Variants in RSRC1 observed in about 807,000 individuals in gnomAD.
RSRC1 encodes the protein arginine and serine rich coiled-coil 1.
RSRC1 carries 39 observed loss-of-function variants against 49.1 expected under a neutral mutation model. That is an observed-to-expected ratio of 0.79 (90% CI 0.61 to 1.04). RSRC1 has a LOEUF of 1.04. RSRC1 is among the 50% of genes least tolerant of loss of function. The probability of loss-of-function intolerance (pLI) is 0.00; values close to 1 mark genes in which losing one functional copy is unlikely to be tolerated. For missense variants in RSRC1, 388 were observed against 402.4 expected, an observed-to-expected ratio of 0.96 and a Z score of 0.31; for synonymous variants, 143 against 130.8, an observed-to-expected ratio of 1.09 and a Z score of -0.63.
intron 4 of RSRC1, among the ~76,000 whole-genome samples, chr3:158,296,125 A>T (rs570210739): frequency 1.3e-5 from 2 of 152,166 alleles, no homozygotes; most frequent in South Asian, 4.1e-4. Context: ...TTTGAATCTG[A>T]TCATTTTCGT....
intron 7 of RSRC1, among the ~76,000 whole-genome samples, chr3:158,501,942 T>G (rs1428617094): frequency 6.6e-6 from 1 of 152,204 alleles, no homozygotes; most frequent in East Asian, 1.9e-4. Context: ...GCTTTTTAAC[T>G]TGTATTTTTG....
intron 7 of RSRC1, among the ~76,000 whole-genome samples, chr3:158,487,777 C>G (rs1032529110): frequency 6.6e-6 from 1 of 151,254 alleles, no homozygotes; most frequent in African/African-American, 2.4e-5. Context: ...TGGTGAAACC[C>G]CATCTCTACT....
At chr3:158,339,963 G>A (rs1024652042) in intron 5 of RSRC1, among the ~76,000 whole-genome samples, 3 of 152,218 alleles carry the variant, frequency 2.0e-5, no homozygotes, top group Admixed American at 1.3e-4. Context: ...TGTTACTTGA[G>A]CTGAGCTTTG....
At chr3:158,537,036 T>G (rs534043611) in intron 7 of RSRC1, 56 bp from the exon 8 acceptor site, 4 of 998,268 alleles carry the variant, frequency 4.0e-6, no homozygotes, top group Non-Finnish European at 3.2e-6. Context: ...TGCTTAGGTG[T>G]AGTGTTATTA....
chr3:158,346,340 A>G (rs1376275330), intron 5 of RSRC1, among the ~76,000 whole-genome samples: 1 of 152,130 alleles, frequency 6.6e-6, no homozygotes, highest in Non-Finnish European at 1.5e-5. Flanking sequence ...AGAAGAAGAA[A>G]TTGATGGATG....
chr3:158,533,912 A>T (rs555941232), intron 7 of RSRC1, among the ~76,000 whole-genome samples: 82 of 151,728 alleles, frequency 5.4e-4, no homozygotes, highest in Non-Finnish European at 1.0e-3. Context: ...TAGCTGGGCA[A>T]AGAATCTTCT....
intron 5 of RSRC1, among the ~76,000 whole-genome samples, chr3:158,333,494 T>G (rs78603332): frequency 0.018 from 2,676 of 152,318 alleles, 65 homozygotes; most frequent in African/African-American, 0.061. Flanking sequence ...AAAGTATGTG[T>G]TTGATCTTTT....
rs536611483 is a variant in RSRC1, at chr3:158,483,734, TATTA to T, written c.652+22735_652+22738del. Among the ~76,000 whole-genome samples, 814 of 152,246 alleles carry T rather than the reference TATTA, an allele frequency of 5.3e-3. 5 individuals are homozygous for T. The highest frequency in any genetic ancestry group is 6.4e-3 in the Non-Finnish European group (433 of 67,962). On this transcript the variant is annotated intron_variant, in intron 7 of 9. Coordinates refer to ENST00000611884, the MANE Select transcript of RSRC1 (RefSeq NM_001271838.2). ...TTTGTTCATTTAAAAAGTAAGTTTA[TATTA>T]ATTTTATTCTCAAGAATATATTATT...
intron 7 of RSRC1, among the ~76,000 whole-genome samples, chr3:158,480,769 A>ATT (rs1041122595): frequency 2.0e-5 from 3 of 152,024 alleles, no homozygotes; most frequent in African/African-American, 7.2e-5. Flanking sequence ...CTTAGGTTAT[A>ATT]TTTATATTTG....
At chr3:158,448,120 G>A (rs1392066839) in intron 6 of RSRC1, among the ~76,000 whole-genome samples, 1 of 151,718 alleles carries the variant, frequency 6.6e-6, no homozygotes, top group Non-Finnish European at 1.5e-5. Flanking sequence ...TTATCATAGT[G>A]GCCAAACCGA....
At chr3:158,334,772 G>GC (rs1337716004) in intron 5 of RSRC1, among the ~76,000 whole-genome samples, 1 of 151,652 alleles carries the variant, frequency 6.6e-6, no homozygotes, top group Admixed American at 6.6e-5. Context: ...GCCCACCTCA[G>GC]CCCCCACAAA....
chr3:158,353,995 CTTTTTTTTT>C (rs1230649090), intron 5 of RSRC1, among the ~76,000 whole-genome samples: 1 of 96,302 alleles, frequency 1.0e-5, no homozygotes, highest in Admixed American at 1.4e-4. Context: ...GTTTCTTTTT[CTTTTTTTTT>C]TTTTTTTTTT....
At chr3:158,390,375 C>A (rs1252464000) in intron 6 of RSRC1, among the ~76,000 whole-genome samples, 1 of 152,080 alleles carries the variant, frequency 6.6e-6, no homozygotes. Context: ...AGAAGTTGGA[C>A]AATCAAGAAA....
At chr3:158,524,458 A>G (rs1294219047) in intron 7 of RSRC1, among the ~76,000 whole-genome samples, 3 of 152,052 alleles carry the variant, frequency 2.0e-5, no homozygotes, top group South Asian at 4.1e-4. Context: ...TGATTTCACC[A>G]TTCTTTCACC....
At chr3:158,417,393 T>C (rs1734801280) in intron 6 of RSRC1, among the ~76,000 whole-genome samples, 1 of 152,094 alleles carries the variant, frequency 6.6e-6, no homozygotes, top group Non-Finnish European at 1.5e-5. Flanking sequence ...TTTTCCTTTT[T>C]TCTTCCTTTC....
intron 7 of RSRC1, among the ~76,000 whole-genome samples, chr3:158,520,392 C>G (rs975644986): frequency 2.6e-5 from 4 of 152,140 alleles, no homozygotes; most frequent in African/African-American, 9.7e-5. Context: ...GTAGTCATCA[C>G]TTTTGAACAG....
chr3:158,240,881 A>G (rs542910216), intron 4 of RSRC1, among the ~76,000 whole-genome samples: 12 of 152,336 alleles, frequency 7.9e-5, no homozygotes, highest in African/African-American at 2.9e-4. Flanking sequence ...AAGAAGGGTG[A>G]ATACAATATA....
At chr3:158,233,110 C>T (rs1235223539) in intron 4 of RSRC1, among the ~76,000 whole-genome samples, 4 of 152,120 alleles carry the variant, frequency 2.6e-5, no homozygotes, top group Non-Finnish European at 5.9e-5. Flanking sequence ...AAAAAAGACA[C>T]AAACTGACTG....
At chr3:158,516,312 A>C (rs1386444604) in intron 7 of RSRC1, among the ~76,000 whole-genome samples, 1 of 151,754 alleles carries the variant, frequency 6.6e-6, no homozygotes, top group Non-Finnish European at 1.5e-5. Flanking sequence ...TTTTCCTTCT[A>C]ACAGACAGGA....
Sources: gnomAD v4.1 joint callset for allele counts (sites outside exome capture counted in the v4.1 genomes callset) on GRCh38, gnomAD v4.1.1 for gene constraint, MANE v1.5 for transcripts, NCBI Gene and HGNC (gene_info 2026-07-23, HGNC 2026-07-21) for gene names.